The following MFGE8 variants were observed in gnomAD, a reference collection of about 807,000 sequenced individuals.
MFGE8 encodes lactadherin.
MFGE8 carries 34 observed loss-of-function variants against 42.6 expected under a neutral mutation model. The observed-to-expected ratio is 0.80, with a 90% CI of 0.61 to 1.06. The LOEUF (loss-of-function observed/expected upper bound fraction) is 1.06, where lower values mean the gene tolerates loss of function less well. Among genes scored for constraint, MFGE8 ranks in the 50% least tolerant of loss-of-function variants. The pLI is 0.00. For synonymous variants in MFGE8, 230 were observed against 214.8 expected, an observed-to-expected ratio of 1.07 and a Z score of -0.62; for missense variants, 510 against 516.9, an observed-to-expected ratio of 0.99 and a Z score of 0.13.
Position 88,902,118 on chromosome 15 carries a change from G to T in MFGE8, c.686-383C>A. The T allele has an allele frequency of 3.1e-6, 1 of 320,576 alleles. No individual in the cohort carries two copies. The highest frequency in any genetic ancestry group is 2.9e-5 in the South Asian group (1 of 33,970). 19.9% of individuals were successfully genotyped at this position (320,576 alleles called of 1,614,324 possible). The stretch of plus-strand genomic sequence containing the variant: ...CTTGGGCAGGATTTCTTCCTCTTCT[G>T]GACTCACAGCACTGCCCCCATCGCC... On this transcript the variant is annotated intron_variant, in intron 5 of 7. Coordinates refer to ENST00000268150, the MANE Select transcript of MFGE8 (RefSeq NM_005928.4). This position sits in a 1 kb window ranked among gnomAD's most constrained non-coding sequence, Gnocchi z 4.3.
In MFGE8 at chr15:88,901,646, G is replaced by A. The variant is rs1898439161; in HGVS notation, c.775C>T (p.Leu259Phe). Residue 259 changes from leucine to phenylalanine, a missense_variant, in exon 6 of 8, where the codon CTC (leucine) becomes TTC (phenylalanine). Coordinates refer to ENST00000268150, the MANE Select transcript of MFGE8 (RefSeq NM_005928.4). ...GCATAGGAGGGGTTCCAGCTGAAGAGATGCAAGCCCCAGGTCTTGTAGCTG... is the reference window on the plus strand; with the variant it reads ...GCATAGGAGGGGTTCCAGCTGAAGAAATGCAAGCCCCAGGTCTTGTAGCTG... ...SSSYKTWGLH[L>F]FSWNPSYARL... 1.2e-6 allele frequency: 2 copies of A among 1,613,966 alleles called. No homozygotes were observed. Among genetic ancestry groups the A allele is most frequent in the South Asian group, 1.1e-5 (1 of 91,068 alleles).
chr15:88,910,029 C>G, intron 1 of MFGE8, 106 bp from the exon 2 acceptor site: 3 of 1,398,936 alleles, frequency 2.1e-6, no homozygotes, highest in Non-Finnish European at 3.0e-6. Context: ...CACTCAAACT[C>G]GCCCATTATC....
chr15:88,912,911 T>C, intron 1 of MFGE8: 2 of 985,282 alleles, frequency 2.0e-6, no homozygotes, highest in Non-Finnish European at 2.4e-6. Flanking sequence ...GGTTCGAAAG[T>C]CAAACGCAGT....
At position 88,909,702 on chromosome 15, in the gene MFGE8, A is replaced by G. The variant is rs186586808; in HGVS notation, c.205+90T>C. 3.5e-3 allele frequency: 5,522 copies of G among 1,596,278 alleles called. 160 individuals carry two copies. In the South Asian group the frequency reaches 0.051, roughly 15 times the overall value. The stretch of plus-strand genomic sequence containing the variant: ...CCACTGGGGTGGGGATCACAGGCAG[A>G]GAATAAGGCCAGCATATGGCCTATG... On this transcript the variant is annotated intron_variant, in intron 2 of 7. Coordinates refer to ENST00000268150, the MANE Select transcript of MFGE8 (RefSeq NM_005928.4).
At chr15:88,900,068 C>G (rs947782238) in intron 6 of MFGE8, among the ~76,000 whole-genome samples, 4 of 152,008 alleles carry the variant, frequency 2.6e-5, no homozygotes, top group Non-Finnish European at 5.9e-5. Flanking sequence ...TGGTGAAACC[C>G]CGTCTCTACT....
intron 5 of MFGE8, 66 bp from the exon 6 acceptor site, chr15:88,901,801 CGAT>C (rs1204914594): frequency 2.3e-5 from 35 of 1,503,004 alleles, no homozygotes; most frequent in Non-Finnish European, 3.0e-5. Context: ...GAGCACAAGG[CGAT>C]GAAGCAGAAA....
At chr15:88,912,935 T>C in intron 1 of MFGE8, 1 of 985,386 alleles carries the variant, frequency 1.0e-6, no homozygotes, top group South Asian at 4.7e-5. Flanking sequence ...CTGGCCTCAT[T>C]TTTCACCAGG....
intron 1 of MFGE8, chr15:88,912,051 A>C: frequency 8.3e-7 from 1 of 1,198,792 alleles, no homozygotes; most frequent in Non-Finnish European, 1.1e-6. Context: ...CCCTCTCCCT[A>C]CACTGCTCCA....
Position 88,906,665 on chromosome 15 carries a change from G to A in MFGE8, c.501C>T (p.His167=), listed in dbSNP as rs1042915. The A allele has an allele frequency of 1.7e-5, 27 of 1,613,848 alleles. No homozygotes were observed. Among genetic ancestry groups the A allele is most frequent in the African/African-American group, 1.3e-4 (10 of 74,836 alleles). The change falls in exon 4 of 8, where the codon CAC becomes CAT. Residue 167 remains histidine, a synonymous_variant. Transcript: ENST00000268150. This position sits in a 1 kb window ranked among gnomAD's most constrained non-coding sequence, Gnocchi z 4.2. ...TAACATCATGGATGAAATCGAATTC[G>A]TGTCCATTAAGGCTGTAGGCCACCT... ...AFKVAYSLNG[H]EFDFIHDVNK...
At chr15:88,900,856 C>G (rs1430954427) in intron 6 of MFGE8, 16 of 629,288 alleles carry the variant, frequency 2.5e-5, no homozygotes, top group Non-Finnish European at 3.0e-5. Flanking sequence ...TCCCAAGATG[C>G]CTGGGTCATG....
rs1234933815 is a variant in MFGE8, at chr15:88,913,282, G to A, written c.38C>T (p.Ala13Val). ...RPRLLAALCG[A>V]LLCAPSLLVA... The stretch of plus-strand genomic sequence containing the variant: ...GAGGAGGCTGGGGGCGCAGAGCAGC[G>A]CGCCGCACAGCGCGGCCAGCAGGCG... Residue 13 changes from alanine (A) to valine (V), a missense_variant, in exon 1 of 8, where the codon GCG (alanine) becomes GTG (valine). Transcript: ENST00000268150. 23 of 1,483,646 alleles carry A rather than the reference G, an allele frequency of 1.6e-5. No homozygotes were observed. The East Asian group carries it at 5.4e-4, about 35-fold the overall frequency. 91.9% of individuals were successfully genotyped at this position (1,483,646 alleles called of 1,614,324 possible). A position where few individuals can be genotyped will look rare whatever the true frequency, so the allele number is the denominator to read the frequency against.
In MFGE8 at chr15:88,913,255, A is replaced by G. The variant is rs1254608423; in HGVS notation, c.65T>C (p.Val22Ala). Residue 22 changes from valine to alanine, a missense_variant, in exon 1 of 8, where the codon GTC (valine) becomes GCC (alanine). Val to Ala is a moderately conservative substitution (Grantham distance 64). Coordinates refer to ENST00000268150, the MANE Select transcript of MFGE8 (RefSeq NM_005928.4). ...GALLCAPSLL[V>A]ALDICSKNPC... ...CGGCGCGATCCACTCACCCAGGGCG[A>G]CGAGGAGGCTGGGGGCGCAGAGCAG... 4 of 1,505,854 alleles carry G rather than the reference A, an allele frequency of 2.7e-6. No homozygotes were observed. The highest frequency in any genetic ancestry group is 3.5e-6 in the Non-Finnish European group (4 of 1,135,292). 93.3% of individuals were successfully genotyped at this position (1,505,854 alleles called of 1,614,324 possible). A position where few individuals can be genotyped will look rare whatever the true frequency, so the allele number is the denominator to read the frequency against.
intron 6 of MFGE8, among the ~76,000 whole-genome samples, chr15:88,900,350 G>A (rs1425795290): frequency 2.6e-5 from 4 of 152,074 alleles, no homozygotes; most frequent in Non-Finnish European, 4.4e-5. Flanking sequence ...TCTGGGCCCT[G>A]GCCAACTCCA....
intron 5 of MFGE8, 152 bp from the exon 6 acceptor site, chr15:88,901,887 G>A (rs1038811316): frequency 5.3e-6 from 4 of 749,374 alleles, no homozygotes; most frequent in Non-Finnish European, 9.2e-6. Flanking sequence ...GCCTTGCAGG[G>A]CCAACTGTGC....
chr15:88,901,973 C>T (rs1303044983), intron 5 of MFGE8: 2 of 541,592 alleles, frequency 3.7e-6, no homozygotes, highest in Non-Finnish European at 6.8e-6. Flanking sequence ...CACCCAAGAC[C>T]TCCCACTCAC....
Position 88,905,088 on chromosome 15 carries a change from C to T in MFGE8, c.685+669G>A, listed in dbSNP as rs1316113432. ...CAGAAATCTGTCCCTTTATGGTCTC[C>T]CCAGCTCTTCATCTGGGAATCTCTT... On this transcript the variant is annotated intron_variant, in intron 5 of 7. Coordinates refer to ENST00000268150, the MANE Select transcript of MFGE8 (RefSeq NM_005928.4). The surrounding 1 kb of genome is among the most constrained non-coding windows in gnomAD (Gnocchi z 6.6). 1.3e-5 allele frequency among the ~76,000 whole-genome samples: 2 copies of T among 152,172 alleles called. No individual in the cohort carries two copies. Among genetic ancestry groups the T allele is most frequent in the Non-Finnish European group, 2.9e-5 (2 of 68,028 alleles).
At chr15:88,901,792 A>G (rs758641966) in intron 5 of MFGE8, 57 bp from the exon 6 acceptor site, 3 of 1,545,806 alleles carry the variant, frequency 1.9e-6, no homozygotes, top group Non-Finnish European at 2.7e-6. Context: ...CAGGGGCAGG[A>G]GCACAAGGCG....
chr15:88,913,216 C>G, intron 1 of MFGE8, 31 bp downstream of exon 1: 1 of 1,487,500 alleles, frequency 6.7e-7, no homozygotes, highest in Non-Finnish European at 8.9e-7. Context: ...GGAGGAGGGG[C>G]GAGGGGCAGA....
At chr15:88,910,631 A>G (rs3784751) in intron 1 of MFGE8, 69,238 of 153,660 alleles carry the variant, frequency 0.45, 16,791 homozygotes, top group African/African-American at 0.63. Context: ...CTGGGGAATT[A>G]GAAGTTCCCC....
Sources: gnomAD v4.1 joint callset for allele counts (sites outside exome capture counted in the v4.1 genomes callset) on GRCh38, gnomAD v4.1.1 for gene constraint, Gnocchi (gnomAD v3.1) non-coding constraint, MANE v1.5 for transcripts, NCBI Gene and HGNC (gene_info 2026-07-23, HGNC 2026-07-21) for gene names.